NCKAP5: variants seen among roughly 807,000 people sequenced by gnomAD.
NCKAP5 encodes the protein NCK associated protein 5.
NCKAP5 carries 92 observed loss-of-function variants against 167.0 expected under a neutral mutation model. The ratio of observed to expected loss-of-function variants is 0.55; its 90% CI spans 0.47 to 0.66. The LOEUF (loss-of-function observed/expected upper bound fraction) is 0.66. Among genes scored for constraint, NCKAP5 ranks in the 30% least tolerant of loss-of-function variants. The pLI is 0.00. For missense variants in NCKAP5, 2,378 were observed against 2,315.0 expected (o/e 1.03, Z -0.56); for synonymous variants, 891 against 877.4 (o/e 1.02, Z -0.27).
chr2:133,665,233 C>A, the NCKAP5 span, among the ~76,000 whole-genome samples: 1 of 152,246 alleles, frequency 6.6e-6, no homozygotes, highest in Non-Finnish European at 1.5e-5. Context: ...AGAGGCCTAG[C>A]TTTCAGGCTG....
In NCKAP5 at chr2:133,355,715, C is replaced by T. The variant is rs140893972; in HGVS notation, c.70-52605G>A. On this transcript the variant is annotated intron_variant, in intron 3 of 19. Coordinates refer to ENST00000409261, the MANE Select transcript of NCKAP5 (RefSeq NM_207363.3). ...TTTCTCAGATACTCTAGCGCAAAGG[C>T]CAACTCAAAGTTCAGCTTTTCCAAG... Among the ~76,000 whole-genome samples, 882 of 152,232 alleles carry T rather than the reference C, an allele frequency of 5.8e-3. 5 individuals carry two copies. The highest frequency in any genetic ancestry group is 0.015 in the Admixed American group (222 of 15,278).
chr2:133,148,229 G>T (rs1320701545), intron 5 of NCKAP5, among the ~76,000 whole-genome samples: 2 of 152,080 alleles, frequency 1.3e-5, no homozygotes, highest in Admixed American at 1.3e-4. Flanking sequence ...CAATATGGAA[G>T]CCATTTCCAC....
intron 2 of NCKAP5, among the ~76,000 whole-genome samples, chr2:133,531,694 T>G (rs1685376955): frequency 1.3e-5 from 2 of 152,314 alleles, no homozygotes; most frequent in South Asian, 4.1e-4. Context: ...AGAATGGGAT[T>G]GATTTCTTTG....
chr2:133,663,520 C>A, the NCKAP5 span, among the ~76,000 whole-genome samples: 4 of 152,152 alleles, frequency 2.6e-5, no homozygotes, highest in Non-Finnish European at 5.9e-5. Context: ...CCTCTCAAAC[C>A]CTGCTGCTAC....
chr2:133,599,590 C>T, the NCKAP5 span, among the ~76,000 whole-genome samples: 5 of 152,148 alleles, frequency 3.3e-5, no homozygotes, highest in African/African-American at 1.2e-4. Context: ...CATACATTAT[C>T]ATGCATATAA....
At chr2:133,597,520 T>C in the NCKAP5 span, among the ~76,000 whole-genome samples, 2 of 151,392 alleles carry the variant, frequency 1.3e-5, no homozygotes, top group Middle Eastern at 3.2e-3. Flanking sequence ...ACACAAAAAA[T>C]TAGCTGGGTG....
chr2:132,944,600 C>T (rs578195436), intron 8 of NCKAP5, among the ~76,000 whole-genome samples: 1 of 152,294 alleles, frequency 6.6e-6, no homozygotes, highest in Admixed American at 6.5e-5. Context: ...CTCGACCTCA[C>T]CACGATGTTG....
At chr2:133,499,961 C>G (rs1322213485) in intron 3 of NCKAP5, among the ~76,000 whole-genome samples, 1 of 152,028 alleles carries the variant, frequency 6.6e-6, no homozygotes, top group African/African-American at 2.4e-5. Context: ...TGATTATTCA[C>G]AAGGATTTAG....
At position 132,948,531 on chromosome 2, in the gene NCKAP5, C is replaced by G. The variant is rs145032845; in HGVS notation, c.579+15189G>C. Among the ~76,000 whole-genome samples, 993 of 152,226 alleles carry G rather than the reference C, an allele frequency of 6.5e-3. 6 individuals carry two copies. Among genetic ancestry groups the G allele is most frequent in the Non-Finnish European group, 0.011 (773 of 68,010 alleles). The stretch of plus-strand genomic sequence containing the variant: ...GCAGTTAGAGAAAACAGAAATCGGC[C>G]ATTCAGAGCAAAGGTTTGGGGCCCT... On this transcript the variant is annotated intron_variant, in intron 8 of 19. Transcript: ENST00000409261.
chr2:133,660,233 C>T, the NCKAP5 span, among the ~76,000 whole-genome samples: 1 of 152,212 alleles, frequency 6.6e-6, no homozygotes, highest in Admixed American at 6.5e-5. Flanking sequence ...GCTGCTCATT[C>T]TCTTTCTTAC....
In NCKAP5 at chr2:132,908,550, C is replaced by T. The variant is rs187549021; in HGVS notation, c.580-29634G>A. Among the ~76,000 whole-genome samples the T allele has an allele frequency of 8.5e-5, 13 of 152,304 alleles. No homozygotes were observed. In the East Asian group the frequency reaches 2.3e-3, roughly 27 times the overall value. ...CTAATACTAAGCTTATCTTCAACTA[C>T]TCTCCCATGATTTTTCTTTTAATGC... On this transcript the variant is annotated intron_variant, in intron 8 of 19. Transcript: ENST00000409261.
At chr2:133,153,010 A>G (rs2083437439) in intron 5 of NCKAP5, among the ~76,000 whole-genome samples, 1 of 152,198 alleles carries the variant, frequency 6.6e-6, no homozygotes, top group African/African-American at 2.4e-5. Flanking sequence ...TTGCCTAATG[A>G]CAGATTTCTT....
intron 4 of NCKAP5, among the ~76,000 whole-genome samples, chr2:133,241,900 T>A (rs570011560): frequency 6.6e-6 from 1 of 152,170 alleles, no homozygotes; most frequent in Non-Finnish European, 1.5e-5. Flanking sequence ...TGGTTGGACC[T>A]TGAGGTAAGG....
chr2:132,812,873 G>C (rs1685988399), intron 11 of NCKAP5, among the ~76,000 whole-genome samples: 1 of 152,152 alleles, frequency 6.6e-6, no homozygotes, highest in Admixed American at 6.5e-5. Flanking sequence ...CCTTCTCACT[G>C]TATCCTCAAG....
chr2:132,998,505 A>G (rs1336630359), intron 6 of NCKAP5, among the ~76,000 whole-genome samples: 5 of 152,190 alleles, frequency 3.3e-5, no homozygotes, highest in African/African-American at 1.2e-4. Context: ...TAAAAAATCA[A>G]GTTGTCCTAT....
At chr2:132,686,937 A>G (rs1686021290) in intron 19 of NCKAP5, among the ~76,000 whole-genome samples, 1 of 152,234 alleles carries the variant, frequency 6.6e-6, no homozygotes, top group Admixed American at 6.5e-5. Context: ...ATAATCAACA[A>G]CATTACAGAT....
intron 13 of NCKAP5, 145 bp downstream of exon 13, chr2:132,789,878 G>T: frequency 4.3e-6 from 3 of 693,432 alleles, no homozygotes; most frequent in Non-Finnish European, 6.9e-6. Flanking sequence ...TAGCATTGAT[G>T]AAAGGATGTC....
At chr2:132,908,358 C>T (rs1694171163) in intron 8 of NCKAP5, among the ~76,000 whole-genome samples, 1 of 152,082 alleles carries the variant, frequency 6.6e-6, no homozygotes, top group South Asian at 2.1e-4. Context: ...TCCTAAGGCA[C>T]TCTGGTCAGT....
intron 3 of NCKAP5, among the ~76,000 whole-genome samples, chr2:133,458,378 A>G (rs1422320932): frequency 6.6e-6 from 1 of 152,162 alleles, no homozygotes; most frequent in Non-Finnish European, 1.5e-5. Context: ...GCCATATCCT[A>G]AGCATCAAGT....
Sources: gnomAD v4.1 joint callset for allele counts (sites outside exome capture counted in the v4.1 genomes callset) on GRCh38, gnomAD v4.1.1 for gene constraint, MANE v1.5 for transcripts, NCBI Gene and HGNC (gene_info 2026-07-23, HGNC 2026-07-21) for gene names.